DAPK2: variants seen among roughly 807,000 people sequenced by gnomAD.
The protein encoded by DAPK2 is death-associated protein kinase 2.
Under a neutral mutation model 44.1 loss-of-function variants are expected in DAPK2, and 35 were observed. The ratio of observed to expected loss-of-function variants is 0.79; its 90% CI spans 0.61 to 1.05. The LOEUF is 1.05. DAPK2 is among the 50% of genes least tolerant of loss of function. The probability of loss-of-function intolerance (pLI) is 0.00; values close to 1 mark genes in which losing one functional copy is unlikely to be tolerated. For missense variants in DAPK2, 453 were observed against 483.2 expected, an observed-to-expected ratio of 0.94 and a Z score of 0.59; for synonymous variants, 174 against 182.6, an observed-to-expected ratio of 0.95 and a Z score of 0.38.
At chr15:64,017,280 C>T (rs990856682) in intron 1 of DAPK2, among the ~76,000 whole-genome samples, 3 of 152,144 alleles carry the variant, frequency 2.0e-5, no homozygotes, top group Non-Finnish European at 2.9e-5. Flanking sequence ...ACATCAGTTC[C>T]CTCATCTATA....
rs1212455625 is a variant in DAPK2 at position 63,966,564 on chromosome 15, C to A, written c.453+4859G>T. Among the ~76,000 whole-genome samples, 12 of 152,220 alleles carry A rather than the reference C, an allele frequency of 7.9e-5. No homozygotes were observed. The highest frequency in any genetic ancestry group is 5.9e-5 in the Non-Finnish European group (4 of 68,030). On this transcript the variant is annotated intron_variant, in intron 3 of 10. Transcript: ENST00000261891. This position sits in a 1 kb window ranked among gnomAD's most constrained non-coding sequence, Gnocchi z 5.5. ...CAAGTTTACTTAGAAACCCAGAGCA[C>A]TTTAGTCTGCAGTGGTGAGGCTTGC...
intron 1 of DAPK2, among the ~76,000 whole-genome samples, chr15:63,998,443 C>G (rs75818124): frequency 1.3e-5 from 2 of 152,230 alleles, no homozygotes; most frequent in African/African-American, 4.8e-5. Flanking sequence ...GACTGTCTCC[C>G]TCAGGCTGCC....
chr15:64,041,769 G>A (rs987392294), upstream of DAPK2, among the ~76,000 whole-genome samples: 3 of 152,158 alleles, frequency 2.0e-5, no homozygotes, highest in Non-Finnish European at 2.9e-5. Flanking sequence ...ACTCTCAGCG[G>A]GTGTATACAT....
chr15:63,924,320 A>AC (rs1461804490), intron 8 of DAPK2, among the ~76,000 whole-genome samples: 3 of 152,236 alleles, frequency 2.0e-5, no homozygotes, highest in Non-Finnish European at 4.4e-5. Context: ...TCTCTTCCCC[A>AC]CCAGGCCTCT....
chr15:63,946,743 T>C (rs1425191739), intron 3 of DAPK2, among the ~76,000 whole-genome samples: 1 of 152,094 alleles, frequency 6.6e-6, no homozygotes, highest in African/African-American at 2.4e-5. Flanking sequence ...CAGATGCCCG[T>C]GTGGCCTGCC....
intron 10 of DAPK2, 31 bp downstream of exon 11, chr15:63,911,877 C>A: frequency 1.2e-6 from 2 of 1,605,444 alleles, no homozygotes; most frequent in South Asian, 1.1e-5. Flanking sequence ...CCCCAGAATT[C>A]TGCCCAAGAA....
At chr15:63,959,631 G>A (rs2077828390) in intron 3 of DAPK2, among the ~76,000 whole-genome samples, 1 of 152,144 alleles carries the variant, frequency 6.6e-6, no homozygotes, top group South Asian at 2.1e-4. Context: ...TTTCGTCTTT[G>A]GTTCTGTTTA....
intron 1 of DAPK2, among the ~76,000 whole-genome samples, chr15:63,993,604 C>T (rs1000698120): frequency 2.0e-5 from 3 of 152,000 alleles, no homozygotes; most frequent in African/African-American, 7.3e-5. Context: ...TATTTCTTCA[C>T]CATGACTTGA....
At chr15:63,929,194 G>A (rs377368124) in intron 6 of DAPK2, among the ~76,000 whole-genome samples, 710 of 52,642 alleles carry the variant, frequency 0.013, 5 homozygotes, top group African/African-American at 0.045. Flanking sequence ...GCAAGACTCT[G>A]TCTCAAAAAA....
In DAPK2 at chr15:63,912,059, C is replaced by T. The variant is rs78177217; in HGVS notation, c.948+49G>A. The T allele has an allele frequency of 2.9e-3, 4,554 of 1,579,686 alleles. 124 individuals carry two copies. The African/African-American group carries it at 0.055, about 19-fold the overall frequency. ...ATGGAGACCCTGGAGAGCCAGAAAC[C>T]CCGCCCTAGCCCCCACCCTGTCCCC... On this transcript the variant is annotated intron_variant, in intron 9 of 10. Coordinates refer to ENST00000261891, the Ensembl canonical transcript of DAPK2. This position sits in a 1 kb window ranked among gnomAD's most constrained non-coding sequence, Gnocchi z 4.4.
intron 4 of DAPK2, among the ~76,000 whole-genome samples, chr15:63,934,089 CT>C (rs1185204408): frequency 6.6e-6 from 1 of 151,552 alleles, no homozygotes; most frequent in African/African-American, 2.4e-5. Context: ...TCCCCAACTT[CT>C]TTTTTTTAAC....
In DAPK2 at chr15:63,926,107, A is replaced by T; in HGVS notation, c.660-14T>A. 6.3e-7 allele frequency: 1 copy of T among 1,587,068 alleles called. No individual in the cohort carries two copies. Among genetic ancestry groups the T allele is most frequent in the Non-Finnish European group, 8.6e-7 (1 of 1,166,510 alleles). Reference sequence around the variant, plus strand: ...GCTCCACTTAAGCTGAGTACGACAGACAGGGAATCAAATAACTAAGGGAAA... The same window carrying T: ...GCTCCACTTAAGCTGAGTACGACAGTCAGGGAATCAAATAACTAAGGGAAA... On this transcript the variant is annotated splice_polypyrimidine_tract_variant and intron_variant, in intron 6 of 10. Transcript: ENST00000261891.
rs2078231609 is a variant in DAPK2 at position 63,972,190 on chromosome 15, C to A, written c.315-629G>T. ...GAAATAAATTTATGTTGTTTGTCAG[C>A]CACCCAGTTTATGGTTATTTTGTTA... On this transcript the variant is annotated intron_variant, in intron 2 of 10. Coordinates refer to ENST00000261891, the Ensembl canonical transcript of DAPK2. 1.3e-5 allele frequency among the ~76,000 whole-genome samples: 2 copies of A among 152,168 alleles called. 1 individual carries two copies. The highest frequency in any genetic ancestry group is 4.1e-4 in the South Asian group (2 of 4,832).
chr15:63,971,554 C>T (rs267604283), exon 3 of DAPK2: 1 of 1,614,106 alleles, frequency 6.2e-7, no homozygotes, highest in Non-Finnish European at 8.5e-7. Flanking sequence ...AGCTCTCCTC[C>T]AGACACTCTG....
intron 2 of DAPK2, among the ~76,000 whole-genome samples, chr15:63,982,843 G>GC (rs1454674654): frequency 6.6e-6 from 1 of 152,172 alleles, no homozygotes; most frequent in Non-Finnish European, 1.5e-5. Context: ...CTGTGTGACA[G>GC]CGTTGTTATG....
At chr15:63,941,603 C>T (rs2077310337) in intron 3 of DAPK2, among the ~76,000 whole-genome samples, 2 of 152,204 alleles carry the variant, frequency 1.3e-5, no homozygotes, top group African/African-American at 2.4e-5. Context: ...AGGGAGCTGA[C>T]TGAGGCCTTC....
chr15:64,025,533 C>A (rs1021431289), intron 1 of DAPK2, among the ~76,000 whole-genome samples: 3 of 152,220 alleles, frequency 2.0e-5, no homozygotes, highest in Non-Finnish European at 2.9e-5. Context: ...CAACACTGCA[C>A]CTTCACTTTC....
intron 1 of DAPK2, among the ~76,000 whole-genome samples, chr15:64,033,385 G>A (rs901744291): frequency 1.3e-5 from 2 of 151,410 alleles, no homozygotes; most frequent in African/African-American, 4.8e-5. Flanking sequence ...CTCGGCCTCC[G>A]AAAGTGCTGG....
intron 1 of DAPK2, 106 bp downstream of exon 2, chr15:64,040,064 C>T (rs2080312137): frequency 1.2e-6 from 1 of 837,808 alleles, no homozygotes. Context: ...TTAAAGCTTC[C>T]CACTGGTCCT....
Sources: allele counts gnomAD v4.1 joint callset (sites outside exome capture counted in the v4.1 genomes callset), GRCh38; gene constraint gnomAD v4.1.1; non-coding constraint Gnocchi (gnomAD v3.1); transcripts MANE v1.5; gene names NCBI Gene and HGNC (gene_info 2026-07-23, HGNC 2026-07-21).